EIF4G3: variants seen among roughly 807,000 people sequenced by gnomAD.
EIF4G3 encodes eIF-4-gamma 3.
A neutral mutation model predicts 186.4 loss-of-function variants in EIF4G3; 34 were observed. That is an observed-to-expected ratio of 0.18 (90% CI 0.14 to 0.24). The LOEUF is 0.24. EIF4G3 is among the 10% of genes least tolerant of loss of function. The pLI, the probability that EIF4G3 is intolerant of heterozygous loss-of-function variation, is 1.00. For synonymous variants in EIF4G3, 673 were observed against 679.5 expected, an observed-to-expected ratio of 0.99 and a Z score of 0.15; for missense variants, 1,536 against 1,948.5, an observed-to-expected ratio of 0.79 and a Z score of 3.99.
At chr1:20,925,302 A>G (rs1320632475) in intron 14 of EIF4G3, among the ~76,000 whole-genome samples, 1 of 152,196 alleles carries the variant, frequency 6.6e-6, no homozygotes, top group Non-Finnish European at 1.5e-5. Flanking sequence ...TGTCAAAGGG[A>G]GGTTTTCCCT....
At chr1:20,892,753 T>G (rs2086530582) in intron 18 of EIF4G3, 1 of 1,455,408 alleles carries the variant, frequency 6.9e-7, no homozygotes, top group Non-Finnish European at 9.3e-7. Flanking sequence ...GACAAAGACA[T>G]GATCATTAGC....
chr1:20,916,033 A>C (rs914306526), intron 14 of EIF4G3, among the ~76,000 whole-genome samples: 1 of 152,208 alleles, frequency 6.6e-6, no homozygotes, highest in Non-Finnish European at 1.5e-5. Flanking sequence ...CTGATATATA[A>C]AAATCTATTA....
chr1:21,143,086 T>C (rs147498107), intron 2 of EIF4G3, among the ~76,000 whole-genome samples: 8,630 of 151,950 alleles, frequency 0.057, 808 homozygotes, highest in African/African-American at 0.2. Context: ...CTGTCTCTAC[T>C]AAAAATACAA....
chr1:20,965,162 T>C (rs1195182362), intron 12 of EIF4G3, among the ~76,000 whole-genome samples: 1 of 152,192 alleles, frequency 6.6e-6, no homozygotes, highest in African/African-American at 2.4e-5. Context: ...AGAGTGGCTA[T>C]CCTGGTTTAT....
At chr1:20,920,999 T>A (rs1288116819) in intron 14 of EIF4G3, among the ~76,000 whole-genome samples, 1 of 152,174 alleles carries the variant, frequency 6.6e-6, no homozygotes, top group African/African-American at 2.4e-5. Context: ...TGAACAGCAA[T>A]AATTATTTTA....
chr1:20,926,183 G>A (rs925276535), intron 14 of EIF4G3, among the ~76,000 whole-genome samples: 3 of 152,122 alleles, frequency 2.0e-5, no homozygotes, highest in African/African-American at 7.2e-5. Context: ...TTATAAAGAC[G>A]TGGCTATGAG....
At chr1:21,104,067 A>G (rs894058766) in intron 2 of EIF4G3, among the ~76,000 whole-genome samples, 1 of 152,166 alleles carries the variant, frequency 6.6e-6, no homozygotes, top group Admixed American at 6.5e-5. Context: ...ACAGCCATAA[A>G]TTGCTCTGAG....
intron 7 of EIF4G3, among the ~76,000 whole-genome samples, chr1:20,982,807 T>A (rs549044512): frequency 6.6e-6 from 1 of 152,342 alleles, no homozygotes; most frequent in East Asian, 1.9e-4. Flanking sequence ...CTACTTGCCA[T>A]CTGTGTCATT....
At chr1:21,145,247 C>T (rs994294767) in intron 2 of EIF4G3, among the ~76,000 whole-genome samples, 26 of 151,882 alleles carry the variant, frequency 1.7e-4, no homozygotes, top group Non-Finnish European at 3.4e-4. Flanking sequence ...AAACCAAGTT[C>T]CAAAATGTTA....
intron 16 of EIF4G3, 83 bp from the exon 17 acceptor site, chr1:20,895,584 C>A: frequency 7.0e-7 from 1 of 1,433,556 alleles, no homozygotes; most frequent in Non-Finnish European, 9.6e-7. Context: ...CGATCAATAA[C>A]AAACTGCATA....
chr1:20,880,953 G>A (rs1220486703), intron 19 of EIF4G3, among the ~76,000 whole-genome samples: 2 of 151,938 alleles, frequency 1.3e-5, no homozygotes, highest in Non-Finnish European at 2.9e-5. Flanking sequence ...TTTGTTTTGG[G>A]TAGAAAACAA....
chr1:20,925,917 G>A (rs904837623), intron 14 of EIF4G3, among the ~76,000 whole-genome samples: 1 of 152,206 alleles, frequency 6.6e-6, no homozygotes, highest in Non-Finnish European at 1.5e-5. Context: ...GAAACTTGGA[G>A]AGAGGTATTA....
In EIF4G3 at chr1:21,166,523, G is replaced by A. The variant is rs527376896; in HGVS notation, c.-272+9652C>T. On this transcript the variant is annotated intron_variant, in intron 2 of 36. Transcript: ENST00000602326. Reference sequence around the variant, plus strand: ...GCAGATCACTTAAGGTCAGGAGTCCGAGGCCAGCCTGGCCTATTATGGTGA... The same window carrying A: ...GCAGATCACTTAAGGTCAGGAGTCCAAGGCCAGCCTGGCCTATTATGGTGA... Among the ~76,000 whole-genome samples, 31 of 152,236 alleles carry A rather than the reference G, an allele frequency of 2.0e-4. No homozygotes were observed. In the South Asian group the frequency reaches 5.8e-3, roughly 29 times the overall value.
chr1:20,933,842 G>A (rs2154561458), intron 14 of EIF4G3, among the ~76,000 whole-genome samples: 1 of 152,292 alleles, frequency 6.6e-6, no homozygotes, highest in Admixed American at 6.5e-5. Flanking sequence ...TGGATGTACT[G>A]AATTTGAGAT....
chr1:20,931,971 G>A (rs1331956331), intron 14 of EIF4G3, among the ~76,000 whole-genome samples: 1 of 151,828 alleles, frequency 6.6e-6, no homozygotes, highest in African/African-American at 2.4e-5. Flanking sequence ...AACATAAGGC[G>A]GTTTCATCTA....
intron 33 of EIF4G3, among the ~76,000 whole-genome samples, chr1:20,817,800 G>A (rs1259571975): frequency 1.3e-5 from 2 of 149,188 alleles, no homozygotes; most frequent in Non-Finnish European, 1.5e-5. Context: ...TCAGCCTCCT[G>A]AGTAGCTGGG....
chr1:21,159,983 G>C (rs2097733447), intron 2 of EIF4G3, among the ~76,000 whole-genome samples: 1 of 152,052 alleles, frequency 6.6e-6, no homozygotes, highest in Non-Finnish European at 1.5e-5. Flanking sequence ...GCAGGTGCCT[G>C]TAATCCCAGC....
At chr1:21,123,149 T>C (rs866162341) in intron 2 of EIF4G3, among the ~76,000 whole-genome samples, 2 of 152,084 alleles carry the variant, frequency 1.3e-5, no homozygotes, top group South Asian at 2.1e-4. Flanking sequence ...GATCTCCAAT[T>C]TTCTTAATCT....
At chr1:20,813,757 A>G (rs1367681418) in intron 34 of EIF4G3, among the ~76,000 whole-genome samples, 4 of 150,708 alleles carry the variant, frequency 2.7e-5, no homozygotes, top group African/African-American at 9.8e-5. Context: ...GAGGCAGGAG[A>G]ATCGTTTGAA....
Sources: allele counts gnomAD v4.1 joint callset (sites outside exome capture counted in the v4.1 genomes callset), GRCh38; gene constraint gnomAD v4.1.1; transcripts MANE v1.5; gene names NCBI Gene and HGNC (gene_info 2026-07-23, HGNC 2026-07-21).